ELL2: variants seen among roughly 807,000 people sequenced by gnomAD.
ELL2 encodes the protein RNA polymerase II elongation factor ELL2.
A neutral mutation model predicts 72.8 loss-of-function variants in ELL2; 21 were observed. That is an observed-to-expected ratio of 0.29 (90% confidence interval 0.20 to 0.42). The LOEUF is 0.42. ELL2 is among the 10% of genes least tolerant of loss of function. The probability of loss-of-function intolerance (pLI) is 1.00; values close to 1 mark genes in which losing one functional copy is unlikely to be tolerated. For synonymous variants in ELL2, 266 were observed against 283.2 expected (o/e 0.94, Z 0.61); for missense variants, 568 against 772.8 (o/e 0.73, Z 3.14).
chr5:95,933,885 C>G (rs1750683894), intron 2 of ELL2, among the ~76,000 whole-genome samples: 1 of 151,662 alleles, frequency 6.6e-6, no homozygotes, highest in Non-Finnish European at 1.5e-5. Flanking sequence ...TTCAAGTTTT[C>G]TAAAGAAGGA....
intron 2 of ELL2, among the ~76,000 whole-genome samples, chr5:95,938,664 G>A (rs11738345): frequency 0.082 from 12,468 of 152,162 alleles, 697 homozygotes; most frequent in East Asian, 0.26. Flanking sequence ...CAAGGCTGCA[G>A]TAAGCTATGA....
intron 2 of ELL2, among the ~76,000 whole-genome samples, chr5:95,939,846 T>A (rs942437176): frequency 6.6e-6 from 1 of 152,226 alleles, no homozygotes; most frequent in Non-Finnish European, 1.5e-5. Flanking sequence ...ATTATACCCC[T>A]CTGAATGTTG....
intron 10 of ELL2, among the ~76,000 whole-genome samples, chr5:95,889,953 T>A (rs1748598235): frequency 6.6e-6 from 1 of 152,020 alleles, no homozygotes; most frequent in African/African-American, 2.4e-5. Context: ...CAGGCATGGA[T>A]CCAGGCACTT....
At chr5:95,948,489 T>C (rs1751261714) in intron 1 of ELL2, among the ~76,000 whole-genome samples, 1 of 148,962 alleles carries the variant, frequency 6.7e-6, no homozygotes, top group South Asian at 2.2e-4. Context: ...ACCACTTATT[T>C]TGTATCTGAT....
At chr5:95,907,963 T>G (rs1202861358) in intron 4 of ELL2, among the ~76,000 whole-genome samples, 1 of 152,210 alleles carries the variant, frequency 6.6e-6, no homozygotes, top group Admixed American at 6.5e-5. Context: ...GGCCTGTGTG[T>G]TTTGATTCCA....
intron 10 of ELL2, among the ~76,000 whole-genome samples, chr5:95,890,140 T>C (rs1455230281): frequency 6.6e-6 from 1 of 152,122 alleles, no homozygotes; most frequent in Non-Finnish European, 1.5e-5. Context: ...TATACATTGA[T>C]AAATGACTAT....
chr5:95,897,397 A>G (rs1263880110), intron 8 of ELL2, among the ~76,000 whole-genome samples: 4 of 135,412 alleles, frequency 3.0e-5, no homozygotes, highest in South Asian at 4.8e-4. Flanking sequence ...TGGATCTTCT[A>G]TGTGGTGGCA....
In ELL2 at chr5:95,891,093, A is replaced by G. The variant is rs756332595; in HGVS notation, c.1761+10T>C. 9.3e-6 allele frequency: 15 copies of G among 1,614,076 alleles called. No homozygotes were observed. The Middle Eastern group carries it at 5.0e-4, about 53-fold the overall frequency. On this transcript the variant is annotated intron_variant, in intron 10 of 11. Transcript: ENST00000237853. ...TGAAAGTCAGCCCATCTAGTTACAA[A>G]TCCATTTACCTGATACTCTTTTGAG...
intron 7 of ELL2, 75 bp downstream of exon 7, chr5:95,900,618 A>C: frequency 1.8e-6 from 2 of 1,085,928 alleles, no homozygotes; most frequent in Non-Finnish European, 2.6e-6. Flanking sequence ...CATTTCCTTC[A>C]CTTATACATC....
Position 95,901,088 on chromosome 5 carries a change from G to A in ELL2, c.742-8C>T. ...AGAATTCAGATTGGCTACCTAGTAT[G>A]AGGTATAAAAACAGAGCATTAGGTA... On this transcript the variant is annotated splice_polypyrimidine_tract_variant and splice_region_variant and intron_variant, in intron 5 of 11. Coordinates refer to ENST00000237853, the MANE Select transcript of ELL2 (RefSeq NM_012081.6). 6.3e-7 allele frequency: 1 copy of A among 1,596,310 alleles called. No homozygotes were observed. The highest frequency in any genetic ancestry group is 8.5e-7 in the Non-Finnish European group (1 of 1,175,286).
At chr5:95,908,802 T>TC (rs1233845667) in intron 4 of ELL2, among the ~76,000 whole-genome samples, 2 of 152,036 alleles carry the variant, frequency 1.3e-5, no homozygotes, top group East Asian at 3.9e-4. Context: ...CCACACTCCC[T>TC]CCCCCTTAAC....
intron 7 of ELL2, 148 bp from the exon 8 acceptor site, chr5:95,898,958 G>GC (rs1749008413): frequency 1.1e-5 from 6 of 536,656 alleles, no homozygotes; most frequent in Non-Finnish European, 1.7e-5. Context: ...TCATGCTTAA[G>GC]CAAAAAACAA....
rs567868770 is a variant in ELL2 at position 95,958,908 on chromosome 5, T to A, written c.147+2667A>T. 1.6e-4 allele frequency among the ~76,000 whole-genome samples: 22 copies of A among 138,436 alleles called. No individual in the cohort carries two copies. The East Asian group carries it at 4.6e-3, about 29-fold the overall frequency. The allele number at this position is 138,436 out of a possible 152,430, so 90.8% of individuals were successfully genotyped here. A position where few individuals can be genotyped will look rare whatever the true frequency, so the allele number is the denominator to read the frequency against. ...TTGGTACCTCTTAAAAAGTAATTTT[T>A]TTTTTTTAAATTAAGAACTAAGTGG... On this transcript the variant is annotated intron_variant, in intron 1 of 11. Transcript: ENST00000237853.
Position 95,886,816 on chromosome 5 carries a change from A to G in ELL2, c.*2055T>C, listed in dbSNP as rs1441326542. The G allele has an allele frequency of 1.3e-5, 2 of 152,200 alleles. No homozygotes were observed. The highest frequency in any genetic ancestry group is 2.4e-5 in the African/African-American group (1 of 41,460). 9.4% of individuals were successfully genotyped at this position (152,200 alleles called of 1,614,324 possible). The stretch of plus-strand genomic sequence containing the variant: ...GTGAAAATGCAGATACTTGGGCCCT[A>G]TACCTAGAGATTCTAACTCAGGTGA... On this transcript the variant is annotated 3_prime_UTR_variant, in exon 12 of 12. Coordinates refer to ENST00000237853, the MANE Select transcript of ELL2 (RefSeq NM_012081.6).
chr5:95,956,785 C>T (rs1024000105), intron 1 of ELL2, among the ~76,000 whole-genome samples: 3 of 152,086 alleles, frequency 2.0e-5, no homozygotes, highest in African/African-American at 7.2e-5. Flanking sequence ...TTGAAGGGAG[C>T]TACTATGAAG....
At chr5:95,894,684 T>C (rs1427209945) in intron 9 of ELL2, among the ~76,000 whole-genome samples, 3 of 152,232 alleles carry the variant, frequency 2.0e-5, no homozygotes, top group Admixed American at 6.5e-5. Flanking sequence ...ATAACCAGCA[T>C]TATGGTTTCA....
In ELL2 at chr5:95,927,366, G is replaced by C. The variant is rs201450768; in HGVS notation, c.196-7821C>G. Among the ~76,000 whole-genome samples the C allele has an allele frequency of 0.014, 1,514 of 107,898 alleles. 167 individuals are homozygous for C. In the East Asian group the frequency reaches 0.24, roughly 17 times the overall value. The allele number at this position is 107,898 out of a possible 152,430, so 70.8% of individuals were successfully genotyped here. ...TTCAGTATGTGTATGTGTATATATA[G>C]ACATACACACACACACGTGTGTATA... On this transcript the variant is annotated intron_variant, in intron 2 of 11. Coordinates refer to ENST00000237853, the MANE Select transcript of ELL2 (RefSeq NM_012081.6).
At chr5:95,939,088 GCA>G (rs1409316353) in intron 2 of ELL2, among the ~76,000 whole-genome samples, 2 of 152,076 alleles carry the variant, frequency 1.3e-5, no homozygotes, top group African/African-American at 2.4e-5. Context: ...GTGTGCACAT[GCA>G]CACACACAGT....
At chr5:95,929,420 G>C (rs761555895) in intron 2 of ELL2, among the ~76,000 whole-genome samples, 1 of 151,914 alleles carries the variant, frequency 6.6e-6, no homozygotes, top group African/African-American at 2.4e-5. Flanking sequence ...CACCACATCC[G>C]GCTAATTTTT....
Sources: allele counts gnomAD v4.1 joint callset (sites outside exome capture counted in the v4.1 genomes callset), GRCh38; gene constraint gnomAD v4.1.1; transcripts MANE v1.5; gene names NCBI Gene and HGNC (gene_info 2026-07-23, HGNC 2026-07-21).